CPLANE1: variants seen among roughly 807,000 people sequenced by gnomAD.
CPLANE1 encodes ciliogenesis and planar polarity effector complex subunit 1.
In CPLANE1, 263 loss-of-function variants were observed where a neutral mutation model predicts 362.5. The observed-to-expected ratio is 0.73, with a 90% confidence interval of 0.66 to 0.80. CPLANE1 has a LOEUF of 0.80. Among genes scored for constraint, CPLANE1 ranks in the 30% least tolerant of loss-of-function variants. The pLI is 0.00. For synonymous variants in CPLANE1, 1,212 were observed against 1,302.6 expected, an observed-to-expected ratio of 0.93 and a Z score of 1.50; for missense variants, 3,461 against 3,793.4, an observed-to-expected ratio of 0.91 and a Z score of 2.30.
intron 8 of CPLANE1, among the ~76,000 whole-genome samples, chr5:37,233,990 AAG>A (rs1223495414): frequency 6.6e-6 from 1 of 152,226 alleles, no homozygotes; most frequent in Non-Finnish European, 1.5e-5. Context: ...ACTACTGAAG[AAG>A]TCATACAAAG....
intron 16 of CPLANE1, chr5:37,212,329 A>G: frequency 2.3e-6 from 2 of 888,148 alleles, no homozygotes; most frequent in Non-Finnish European, 3.9e-6. Flanking sequence ...TGTAGTGACA[A>G]AGTCGAAAGT....
the CPLANE1 span, among the ~76,000 whole-genome samples, chr5:37,087,248 T>C: frequency 1.3e-5 from 2 of 152,236 alleles, no homozygotes; most frequent in Admixed American, 6.5e-5. Context: ...CCCAGCATCA[T>C]CTTTAACACT....
intron 50 of CPLANE1, among the ~76,000 whole-genome samples, chr5:37,119,319 AAC>A (rs1761958282): frequency 6.6e-6 from 1 of 152,184 alleles, no homozygotes; most frequent in Non-Finnish European, 1.5e-5. Flanking sequence ...ATACAAAAGA[AAC>A]AGACTCCCAA....
At chr5:37,140,268 T>C (rs1769268913) in intron 44 of CPLANE1, 15 of 955,654 alleles carry the variant, frequency 1.6e-5, no homozygotes, top group Non-Finnish European at 1.9e-5. Context: ...TTTTATTATC[T>C]TGAGATAAAC....
intron 20 of CPLANE1, among the ~76,000 whole-genome samples, chr5:37,196,925 A>G (rs987446449): frequency 6.6e-6 from 1 of 152,092 alleles, no homozygotes; most frequent in Non-Finnish European, 1.5e-5. Flanking sequence ...TGCTGTCTCA[A>G]AAAAGAAAAA....
chr5:37,105,497 T>C (rs1461911294), downstream of CPLANE1, among the ~76,000 whole-genome samples: 1 of 152,166 alleles, frequency 6.6e-6, no homozygotes, highest in Admixed American at 6.5e-5. Context: ...TACACCTGTA[T>C]AAATCACATA....
chr5:37,223,834 T>C (rs1795867481), intron 14 of CPLANE1, among the ~76,000 whole-genome samples: 1 of 152,206 alleles, frequency 6.6e-6, no homozygotes, highest in South Asian at 2.1e-4. Context: ...CCTATTGAGA[T>C]ACTTGCAGTC....
intron 43 of CPLANE1, among the ~76,000 whole-genome samples, 195 bp downstream of exon 43, chr5:37,147,971 CAAAAAAAAAAAAAAA>C (rs11284644): frequency 1.3e-4 from 2 of 15,314 alleles, no homozygotes; most frequent in Admixed American, 9.8e-4. Context: ...ACTGCCTTCT[CAAAAAAAAAAAAAAA>C]AAAAAAAAAA....
chr5:37,210,278 A>C (rs1792223521), intron 16 of CPLANE1: 4 of 1,598,712 alleles, frequency 2.5e-6, no homozygotes, highest in Non-Finnish European at 3.4e-6. Context: ...AGCTGAAGCA[A>C]AGAGTTGAAG....
At chr5:37,154,661 C>T (rs973174065) in intron 41 of CPLANE1, among the ~76,000 whole-genome samples, 2 of 151,852 alleles carry the variant, frequency 1.3e-5, no homozygotes, top group South Asian at 4.2e-4. Context: ...CACTGTATTG[C>T]TCATACTTCT....
chr5:37,115,116 T>C, intron 50 of CPLANE1, 67 bp from the exon 51 acceptor site: 2 of 1,038,352 alleles, frequency 1.9e-6, no homozygotes, highest in South Asian at 2.7e-5. Flanking sequence ...TATTGTGAGT[T>C]ATTTGAGGAC....
At chr5:37,239,576 C>T (rs535809677) in intron 7 of CPLANE1, 137 bp downstream of exon 7, 14 of 520,140 alleles carry the variant, frequency 2.7e-5, no homozygotes, top group Non-Finnish European at 5.8e-6. Flanking sequence ...GAGAGAGACC[C>T]TGTCAAAAAA....
At chr5:37,248,855 A>G (rs943912823) in intron 1 of CPLANE1, among the ~76,000 whole-genome samples, 1 of 152,244 alleles carries the variant, frequency 6.6e-6, no homozygotes, top group African/African-American at 2.4e-5. Flanking sequence ...CCCTAAATCC[A>G]TTAGTCAATC....
the CPLANE1 span, among the ~76,000 whole-genome samples, chr5:37,076,591 C>G: frequency 2.6e-5 from 4 of 152,010 alleles, no homozygotes; most frequent in African/African-American, 9.7e-5. Context: ...GAATTACAGG[C>G]ATGAGCCACC....
chr5:37,204,711 T>C (rs964484326), intron 18 of CPLANE1, among the ~76,000 whole-genome samples: 9 of 149,700 alleles, frequency 6.0e-5, no homozygotes, highest in Non-Finnish European at 8.8e-5. Context: ...GTCAGAGAGC[T>C]GTAACACTGC....
At chr5:37,225,954 T>G (rs1301158853) in intron 12 of CPLANE1, among the ~76,000 whole-genome samples, 1 of 152,078 alleles carries the variant, frequency 6.6e-6, no homozygotes, top group Non-Finnish European at 1.5e-5. Context: ...AAATATGTAT[T>G]GTACAACATT....
rs529537299 is a variant in CPLANE1 at position 37,179,271 on chromosome 5, A to G, written c.5820+90T>C. 51 of 840,462 alleles carry G rather than the reference A, an allele frequency of 6.1e-5. No homozygotes were observed. In the African/African-American group the frequency reaches 7.8e-4, roughly 13 times the overall value. 52.1% of individuals were successfully genotyped at this position (840,462 alleles called of 1,614,324 possible). A position where few individuals can be genotyped will look rare whatever the true frequency, so the allele number is the denominator to read the frequency against. Reference sequence around the variant, plus strand: ...TTTTAAGAGCTAGCCCTGCTTTGATATATTTAATAACAATGAATAAAAACA... The same window carrying G: ...TTTTAAGAGCTAGCCCTGCTTTGATGTATTTAATAACAATGAATAAAAACA... On this transcript the variant is annotated intron_variant, in intron 29 of 52. Transcript: ENST00000651892.
Position 37,162,927 on chromosome 5 carries a change from G to A in CPLANE1, c.7589-361C>T, listed in dbSNP as rs1007580161. ...ACTCCTGACCTCAACTGATCCACCC[G>A]CCTCAGCCTCCCAAAGTGCTGGGAT... On this transcript the variant is annotated intron_variant, in intron 37 of 52. Coordinates refer to ENST00000651892, the MANE Select transcript of CPLANE1 (RefSeq NM_001384732.1). Among the ~76,000 whole-genome samples the A allele has an allele frequency of 7.0e-4, 107 of 152,288 alleles. 1 individual carries two copies. Among genetic ancestry groups the A allele is most frequent in the African/African-American group, 2.5e-3 (103 of 41,554 alleles).
At chr5:37,118,114 G>T (rs1316094260) in intron 50 of CPLANE1, among the ~76,000 whole-genome samples, 1 of 152,072 alleles carries the variant, frequency 6.6e-6, no homozygotes, top group African/African-American at 2.4e-5. Flanking sequence ...CCAAGAGCTG[G>T]TCAGGCATGA....
Sources: gnomAD v4.1 joint callset for allele counts (sites outside exome capture counted in the v4.1 genomes callset) on GRCh38, gnomAD v4.1.1 for gene constraint, MANE v1.5 for transcripts, NCBI Gene and HGNC (gene_info 2026-07-23, HGNC 2026-07-21) for gene names.